The following STX8 variants were observed in gnomAD, a reference collection of about 807,000 sequenced individuals.
STX8 encodes syntaxin 8.
STX8 carries 23 observed loss-of-function variants against 37.5 expected under a neutral mutation model. The observed-to-expected ratio is 0.61, with a 90% CI of 0.44 to 0.87. The LOEUF (loss-of-function observed/expected upper bound fraction) is 0.87. Ranked by LOEUF, STX8 falls within the 40% of genes least tolerant of loss-of-function variation. The probability of loss-of-function intolerance (pLI) is 0.00; values close to 1 mark genes in which losing one functional copy is unlikely to be tolerated. For missense variants in STX8, 313 were observed against 284.7 expected, an observed-to-expected ratio of 1.10 and a Z score of -0.71; for synonymous variants, 115 against 99.1, an observed-to-expected ratio of 1.16 and a Z score of -0.95.
chr17:9,318,278 C>T (rs912138694), intron 7 of STX8, among the ~76,000 whole-genome samples: 1 of 151,856 alleles, frequency 6.6e-6, no homozygotes, highest in African/African-American at 2.4e-5. Flanking sequence ...CCCAGCCCCC[C>T]ACCCACCAAC....
intron 6 of STX8, among the ~76,000 whole-genome samples, chr17:9,448,985 T>C (rs1182454788): frequency 6.6e-6 from 1 of 152,158 alleles, no homozygotes; most frequent in Non-Finnish European, 1.5e-5. Context: ...AAAAAATTTC[T>C]AAAATGACAA....
intron 7 of STX8, among the ~76,000 whole-genome samples, chr17:9,289,650 G>A (rs1597586289): frequency 6.6e-6 from 1 of 151,800 alleles, no homozygotes; most frequent in South Asian, 2.1e-4. Flanking sequence ...TGTGGTGGCG[G>A]GCGCCTGTAG....
intron 4 of STX8, among the ~76,000 whole-genome samples, chr17:9,523,393 T>TAC (rs144505730): frequency 0.93 from 139,355 of 149,602 alleles, 65,513 homozygotes; most frequent in East Asian, 1. Flanking sequence ...CATATATATA[T>TAC]ACACACACAC....
At chr17:9,484,429 T>G (rs567720928) in intron 6 of STX8, among the ~76,000 whole-genome samples, 1 of 147,602 alleles carries the variant, frequency 6.8e-6, no homozygotes, top group Non-Finnish European at 1.5e-5. Context: ...GCAAGATGTA[T>G]GCTGAGGTGG....
At chr17:9,376,029 G>T (rs565406598) in intron 7 of STX8, among the ~76,000 whole-genome samples, 65 of 152,264 alleles carry the variant, frequency 4.3e-4, no homozygotes, top group African/African-American at 1.5e-3. Flanking sequence ...CCATACAACT[G>T]AATTTTGATA....
At chr17:9,370,425 A>T (rs1911367502) in intron 7 of STX8, among the ~76,000 whole-genome samples, 1 of 152,156 alleles carries the variant, frequency 6.6e-6, no homozygotes, top group Non-Finnish European at 1.5e-5. Context: ...TGTAAGTGGC[A>T]GATCCCAAAT....
Position 9,351,403 on chromosome 17 carries a change from C to T in STX8, c.643+27149G>A, listed in dbSNP as rs141750341. On this transcript the variant is annotated intron_variant, in intron 7 of 7. Coordinates refer to ENST00000306357, the MANE Select transcript of STX8 (RefSeq NM_004853.3). ...CCAACTCCTGACCTCGTGATCTGCC[C>T]GCCTCGGCCTCCCAAAGTGCTGGGA... is the stretch of plus-strand genomic sequence containing the variant. 3.8e-3 allele frequency among the ~76,000 whole-genome samples: 577 copies of T among 151,972 alleles called. 6 individuals carry two copies. The highest frequency in any genetic ancestry group is 0.013 in the African/African-American group (553 of 41,444).
chr17:9,433,154 T>A (rs749023609), intron 6 of STX8, among the ~76,000 whole-genome samples: 1 of 152,214 alleles, frequency 6.6e-6, no homozygotes, highest in Non-Finnish European at 1.5e-5. Context: ...ATCGTCATAA[T>A]GCACTCCTAA....
intron 7 of STX8, among the ~76,000 whole-genome samples, chr17:9,274,025 A>G (rs866621859): frequency 6.6e-6 from 1 of 152,208 alleles, no homozygotes; most frequent in Non-Finnish European, 1.5e-5. Flanking sequence ...TTACAGTCTC[A>G]TGTTAGCTCT....
chr17:9,545,365 G>A, intron 3 of STX8, 83 bp from the exon 4 acceptor site: 1 of 1,046,980 alleles, frequency 9.6e-7, no homozygotes, highest in Non-Finnish European at 1.5e-6. Context: ...CTTCAAGTCA[G>A]TTGTGGCTTT....
rs188365607 is a variant in STX8 at position 9,550,702 on chromosome 17, G to T, written c.213-5420C>A. ...TGAGCATTTGAACCACAGATGGAGC[G>T]GGGTAAATATGCAACTGGATCCACA... On this transcript the variant is annotated intron_variant, in intron 3 of 7. Transcript: ENST00000306357. Among the ~76,000 whole-genome samples, 16 of 152,290 alleles carry T rather than the reference G, an allele frequency of 1.1e-4. No homozygotes were observed. In the East Asian group the frequency reaches 2.9e-3, roughly 28 times the overall value.
chr17:9,526,586 A>AT (rs1321116817), intron 4 of STX8, among the ~76,000 whole-genome samples: 1 of 152,224 alleles, frequency 6.6e-6, no homozygotes, highest in Admixed American at 6.5e-5. Context: ...AGTTGGAAAC[A>AT]TTTTTTAAAA....
chr17:9,535,673 C>G (rs929341977), intron 4 of STX8, among the ~76,000 whole-genome samples: 3 of 152,052 alleles, frequency 2.0e-5, no homozygotes, highest in Admixed American at 2.0e-4. Context: ...ACCTCATGAT[C>G]TGCCCGCCTT....
At chr17:9,403,356 T>C (rs1912691729) in intron 6 of STX8, among the ~76,000 whole-genome samples, 1 of 152,190 alleles carries the variant, frequency 6.6e-6, no homozygotes, top group Non-Finnish European at 1.5e-5. Context: ...GTACACACCA[T>C]GGCTCAGTTG....
At chr17:9,295,503 C>T (rs534187925) in intron 7 of STX8, among the ~76,000 whole-genome samples, 4 of 152,088 alleles carry the variant, frequency 2.6e-5, no homozygotes, top group South Asian at 4.2e-4. Flanking sequence ...CCAGCACTTT[C>T]GGGAGCTGAG....
intron 7 of STX8, among the ~76,000 whole-genome samples, chr17:9,284,392 G>A (rs1271100648): frequency 7.9e-5 from 12 of 152,152 alleles, no homozygotes; most frequent in Admixed American, 7.2e-4. Flanking sequence ...AACTCTGATC[G>A]TCTTAGCTAA....
chr17:9,510,781 A>G (rs958446144), intron 4 of STX8, among the ~76,000 whole-genome samples: 7 of 152,116 alleles, frequency 4.6e-5, no homozygotes, highest in African/African-American at 1.7e-4. Context: ...GGAGAAATAA[A>G]TGAAATTGAA....
chr17:9,532,054 G>C (rs563784976), intron 4 of STX8, among the ~76,000 whole-genome samples: 2 of 151,728 alleles, frequency 1.3e-5, no homozygotes, highest in South Asian at 4.2e-4. Flanking sequence ...CAAGGTCTCT[G>C]GTTTTCTTTG....
intron 7 of STX8, among the ~76,000 whole-genome samples, chr17:9,361,710 C>T (rs1385538050): frequency 6.6e-6 from 1 of 152,168 alleles, no homozygotes; most frequent in Admixed American, 6.5e-5. Flanking sequence ...TTAGATGTCA[C>T]AACTAACATG....
Sources: gnomAD v4.1 joint callset for allele counts (sites outside exome capture counted in the v4.1 genomes callset) on GRCh38, gnomAD v4.1.1 for gene constraint, MANE v1.5 for transcripts, NCBI Gene and HGNC (gene_info 2026-07-23, HGNC 2026-07-21) for gene names.